The following GABRA4 variants were observed in gnomAD, a reference collection of about 807,000 sequenced individuals.
GABRA4 encodes gamma-aminobutyric acid receptor subunit alpha-4.
GABRA4 carries 12 observed loss-of-function variants against 49.7 expected under a neutral mutation model. The observed-to-expected ratio is 0.24, with a 90% CI of 0.15 to 0.39. The LOEUF (loss-of-function observed/expected upper bound fraction) is 0.39. Ranked by LOEUF, GABRA4 falls within the 10% of genes least tolerant of loss-of-function variation. The pLI, the probability that GABRA4 is intolerant of heterozygous loss-of-function variation, is 1.00. For missense variants in GABRA4, 506 were observed against 686.0 expected, an observed-to-expected ratio of 0.74 and a Z score of 2.93; for synonymous variants, 288 against 240.2, an observed-to-expected ratio of 1.20 and a Z score of -1.84.
intron 2 of GABRA4, among the ~76,000 whole-genome samples, chr4:46,988,851 A>G (rs1723636186): frequency 6.6e-6 from 1 of 152,202 alleles, no homozygotes; most frequent in African/African-American, 2.4e-5. Flanking sequence ...AAGGTTTTAA[A>G]GATGAGGGTG....
intron 3 of GABRA4, among the ~76,000 whole-genome samples, chr4:46,978,413 C>A (rs1386244937): frequency 3.3e-5 from 5 of 151,894 alleles, no homozygotes; most frequent in Non-Finnish European, 7.4e-5. Context: ...AACAGCCGGG[C>A]ACGGTGGCTC....
intron 5 of GABRA4, among the ~76,000 whole-genome samples, chr4:46,976,650 A>G (rs1375223214): frequency 1.3e-5 from 2 of 151,694 alleles, no homozygotes; most frequent in Non-Finnish European, 2.9e-5. Context: ...ACTGCTTACA[A>G]TAGAATATCT....
chr4:46,972,155 C>A (rs1012238899), intron 6 of GABRA4, among the ~76,000 whole-genome samples: 1 of 151,496 alleles, frequency 6.6e-6, no homozygotes, highest in East Asian at 1.9e-4. Flanking sequence ...AGGCAAGGTG[C>A]CCTTTAGAAA....
In GABRA4 at chr4:46,928,506, C is replaced by T; in HGVS notation, c.1384G>A (p.Gly462Arg). The change falls in exon 9 of 9, where the codon GGA becomes AGA. Residue 462 changes from glycine to arginine, a missense_variant. Coordinates refer to ENST00000264318, the MANE Select transcript of GABRA4 (RefSeq NM_000809.4). ...PSASPTSIRT[G>R]YMPRKASVGS... ...ACTGAAGCCTTTCGAGGCATATATC[C>T]AGTTCGGATAGAAGTAGGAGAAGCA... is the stretch of plus-strand genomic sequence containing the variant. The T allele has an allele frequency of 6.2e-7, 1 of 1,613,598 alleles. No homozygotes were observed. Among genetic ancestry groups the T allele is most frequent in the Non-Finnish European group, 8.5e-7 (1 of 1,179,728 alleles).
At position 46,919,059 on chromosome 4, in the gene GABRA4, A is replaced by T. The variant is rs1289786811; in HGVS notation, c.*9166T>A. The T allele has an allele frequency of 6.6e-6, 1 of 151,584 alleles. No individual in the cohort carries two copies. Among genetic ancestry groups the T allele is most frequent in the African/African-American group, 2.4e-5 (1 of 41,408 alleles). The allele number at this position is 151,584 out of a possible 1,614,324, so 9.4% of individuals were successfully genotyped here. A position where few individuals can be genotyped will look rare whatever the true frequency, so the allele number is the denominator to read the frequency against. ...AAATTTTATAGAAATTTAAATCCTT[A>T]CTATTTTAAAGACTCATTTTCCAGT... On this transcript the variant is annotated 3_prime_UTR_variant, in exon 9 of 9. Transcript: ENST00000264318.
chr4:46,980,003 G>A (rs1723292343), intron 2 of GABRA4, among the ~76,000 whole-genome samples: 1 of 152,060 alleles, frequency 6.6e-6, no homozygotes, highest in South Asian at 2.1e-4. Flanking sequence ...TTAGCATGAA[G>A]CTTAAAATCA....
rs1223785039 is a variant in GABRA4 at position 46,921,197 on chromosome 4, A to G, written c.*7028T>C. On this transcript the variant is annotated 3_prime_UTR_variant, in exon 9 of 9. Transcript: ENST00000264318. ...GCTATTAAGAAACCATAGCATTTAA[A>G]AATTTTCCATTAAATGTATCGTTAT... The G allele has an allele frequency of 6.6e-6, 1 of 151,854 alleles. No homozygotes were observed. Among genetic ancestry groups the G allele is most frequent in the Non-Finnish European group, 1.5e-5 (1 of 67,854 alleles). 9.4% of individuals were successfully genotyped at this position (151,854 alleles called of 1,614,324 possible). A position where few individuals can be genotyped will look rare whatever the true frequency, so the allele number is the denominator to read the frequency against.
rs957085273 is a variant in GABRA4, at chr4:46,920,521, C to G, written c.*7704G>C. 2.0e-5 allele frequency: 3 copies of G among 151,414 alleles called. No homozygotes were observed. Among genetic ancestry groups the G allele is most frequent in the Non-Finnish European group, 4.4e-5 (3 of 67,582 alleles). The allele number at this position is 151,414 out of a possible 1,614,324, so 9.4% of individuals were successfully genotyped here. A position where few individuals can be genotyped will look rare whatever the true frequency, so the allele number is the denominator to read the frequency against. On this transcript the variant is annotated 3_prime_UTR_variant, in exon 9 of 9. Coordinates refer to ENST00000264318, the MANE Select transcript of GABRA4 (RefSeq NM_000809.4). ...ATATGTATTAATATATGAAAAAATC[C>G]TAATTGCACTTCACATGATGATATT...
rs555989623 is a variant in GABRA4 at position 46,962,863 on chromosome 4, G to A, written c.1134+2107C>T. On this transcript the variant is annotated intron_variant, in intron 8 of 8. Transcript: ENST00000264318. ...CAAGAATATACAGCTGGAAAAAGAC[G>A]GTCCCTTCAATAAATGGTGCTGGGA... Among the ~76,000 whole-genome samples the A allele has an allele frequency of 5.3e-4, 80 of 151,788 alleles. 2 individuals are homozygous for A. The highest frequency in any genetic ancestry group is 1.5e-3 in the African/African-American group (63 of 41,454).
In GABRA4 at chr4:46,920,843, T is replaced by C. The variant is rs1012739102; in HGVS notation, c.*7382A>G. 6 of 151,876 alleles carry C rather than the reference T, an allele frequency of 4.0e-5. No homozygotes were observed. Among genetic ancestry groups the C allele is most frequent in the African/African-American group, 1.2e-4 (5 of 41,432 alleles). The allele number at this position is 151,876 out of a possible 1,614,324, so 9.4% of individuals were successfully genotyped here. A position where few individuals can be genotyped will look rare whatever the true frequency, so the allele number is the denominator to read the frequency against. On this transcript the variant is annotated 3_prime_UTR_variant, in exon 9 of 9. Coordinates refer to ENST00000264318, the MANE Select transcript of GABRA4 (RefSeq NM_000809.4). ...GACTATAATTAGTTTTAAATCTTAGTGTTAATATAGAATATATTTAATTTA... is the reference window on the plus strand; with the variant it reads ...GACTATAATTAGTTTTAAATCTTAGCGTTAATATAGAATATATTTAATTTA...
chr4:46,924,560 A>T lies in GABRA4; in HGVS notation c.*3665T>A, dbSNP rs1419151469. The T allele has an allele frequency of 6.6e-6, 1 of 152,092 alleles. No homozygotes were observed. The highest frequency in any genetic ancestry group is 6.6e-5 in the Admixed American group (1 of 15,254). 9.4% of individuals were successfully genotyped at this position (152,092 alleles called of 1,614,324 possible). ...CCATTTAGTGAATAAAAGCCCAGGA[A>T]ATCCCAGAAAAGAGAAATAGCCAAT... On this transcript the variant is annotated 3_prime_UTR_variant, in exon 9 of 9. Transcript: ENST00000264318.
chr4:46,951,794 ACG>A (rs907499710), intron 8 of GABRA4, among the ~76,000 whole-genome samples: 9 of 105,862 alleles, frequency 8.5e-5, no homozygotes, highest in African/African-American at 3.0e-4. Flanking sequence ...ATATGTGTGT[ACG>A]TGTGTGTGTG....
At chr4:46,943,039 T>C (rs1721871099) in intron 8 of GABRA4, among the ~76,000 whole-genome samples, 1 of 152,154 alleles carries the variant, frequency 6.6e-6, no homozygotes, top group African/African-American at 2.4e-5. Flanking sequence ...ATTCAATTCT[T>C]CAGATATTTA....
At chr4:46,961,870 GA>G (rs1329122396) in intron 8 of GABRA4, among the ~76,000 whole-genome samples, 4 of 151,820 alleles carry the variant, frequency 2.6e-5, no homozygotes, top group Admixed American at 2.0e-4. Flanking sequence ...AAGAGAGTGA[GA>G]GGGGCGCTGC....
intron 7 of GABRA4, among the ~76,000 whole-genome samples, chr4:46,966,252 A>G (rs1002616874): frequency 6.6e-6 from 1 of 151,730 alleles, no homozygotes; most frequent in Non-Finnish European, 1.5e-5. Context: ...TGACTAGGAT[A>G]GCTCCTGAAG....
intron 6 of GABRA4, among the ~76,000 whole-genome samples, chr4:46,971,665 G>A (rs1355232462): frequency 6.6e-6 from 1 of 150,684 alleles, no homozygotes; most frequent in Non-Finnish European, 1.5e-5. Flanking sequence ...ACACATTTAT[G>A]AAAATATAAA....
intron 8 of GABRA4, among the ~76,000 whole-genome samples, chr4:46,936,439 A>G (rs558678873): frequency 1.3e-5 from 2 of 152,104 alleles, no homozygotes; most frequent in Non-Finnish European, 2.9e-5. Context: ...TAGTAGAGAC[A>G]GAGTTTCTCC....
intron 8 of GABRA4, among the ~76,000 whole-genome samples, chr4:46,937,205 T>C (rs931266489): frequency 2.0e-5 from 3 of 152,172 alleles, no homozygotes; most frequent in African/African-American, 7.2e-5. Context: ...GCGGACGCAG[T>C]AAGAAAACAG....
At chr4:46,962,357 A>G (rs530192847) in intron 8 of GABRA4, among the ~76,000 whole-genome samples, 1 of 151,934 alleles carries the variant, frequency 6.6e-6, no homozygotes, top group Non-Finnish European at 1.5e-5. Flanking sequence ...CCTATTTACA[A>G]TAGCCACATA....
Sources: gnomAD v4.1 joint callset for allele counts (sites outside exome capture counted in the v4.1 genomes callset) on GRCh38, gnomAD v4.1.1 for gene constraint, MANE v1.5 for transcripts, NCBI Gene and HGNC (gene_info 2026-07-23, HGNC 2026-07-21) for gene names.